Variants in ZFAND3 observed in about 807,000 individuals in gnomAD.
ZFAND3 encodes the protein zinc finger AN1-type containing 3.
A neutral mutation model predicts 29.6 loss-of-function variants in ZFAND3; 10 were observed. The ratio of observed to expected loss-of-function variants is 0.34; its 90% CI spans 0.21 to 0.57. ZFAND3 has a LOEUF of 0.57. ZFAND3 is among the 20% of genes least tolerant of loss of function. The probability of loss-of-function intolerance (pLI) is 0.86; values close to 1 mark genes in which losing one functional copy is unlikely to be tolerated. For synonymous variants in ZFAND3, 128 were observed against 112.6 expected (o/e 1.14, Z -0.87); for missense variants, 230 against 304.5 (o/e 0.76, Z 1.82).
chr6:38,036,733 T>G (rs184262738), intron 2 of ZFAND3, among the ~76,000 whole-genome samples: 75 of 152,300 alleles, frequency 4.9e-4, no homozygotes, highest in Admixed American at 1.8e-3. Context: ...TTTTAACATG[T>G]AAATACTAAA....
intron 4 of ZFAND3, among the ~76,000 whole-genome samples, chr6:38,083,366 C>T (rs1764699557): frequency 6.6e-6 from 1 of 152,096 alleles, no homozygotes; most frequent in Admixed American, 6.6e-5. Flanking sequence ...TTCCAAATGA[C>T]CAGCTTTGAG....
intron 1 of ZFAND3, among the ~76,000 whole-genome samples, chr6:37,840,369 GATT>G (rs1341563333): frequency 3.3e-5 from 5 of 152,182 alleles, no homozygotes; most frequent in Non-Finnish European, 7.3e-5. Context: ...AAAGTGCTGG[GATT>G]ACAGACATGC....
At chr6:38,019,175 G>T (rs1424507080) in intron 2 of ZFAND3, among the ~76,000 whole-genome samples, 1 of 152,126 alleles carries the variant, frequency 6.6e-6, no homozygotes, top group African/African-American at 2.4e-5. Context: ...GGTCAGGCTG[G>T]TCTTGAACTC....
At chr6:37,975,792 T>C (rs1414950253) in intron 2 of ZFAND3, among the ~76,000 whole-genome samples, 1 of 152,206 alleles carries the variant, frequency 6.6e-6, no homozygotes, top group African/African-American at 2.4e-5. Context: ...ACATAAACTT[T>C]ATAATAATTC....
At chr6:38,026,922 T>A (rs2127449773) in intron 2 of ZFAND3, among the ~76,000 whole-genome samples, 1 of 152,314 alleles carries the variant, frequency 6.6e-6, no homozygotes, top group East Asian at 1.9e-4. Context: ...CAGATGAAAT[T>A]CCAGGTCTAA....
chr6:38,051,702 C>T (rs760879356), intron 2 of ZFAND3, among the ~76,000 whole-genome samples: 6 of 152,194 alleles, frequency 3.9e-5, no homozygotes, highest in Non-Finnish European at 2.9e-5. Flanking sequence ...TGTATATATG[C>T]GCACACAGCA....
chr6:37,937,581 G>A (rs1357743078), intron 2 of ZFAND3, among the ~76,000 whole-genome samples: 1 of 149,218 alleles, frequency 6.7e-6, no homozygotes, highest in Non-Finnish European at 1.5e-5. Flanking sequence ...CTTGAACCAG[G>A]GAGTCGGAGG....
At chr6:38,114,489 T>C (rs1176826892) in intron 4 of ZFAND3, among the ~76,000 whole-genome samples, 1 of 152,258 alleles carries the variant, frequency 6.6e-6, no homozygotes, top group Non-Finnish European at 1.5e-5. Flanking sequence ...ATTGTTTTCA[T>C]CAGAGTCCTT....
intron 1 of ZFAND3, among the ~76,000 whole-genome samples, chr6:37,893,057 G>C (rs1003853314): frequency 6.6e-6 from 1 of 151,676 alleles, no homozygotes. Flanking sequence ...ACACACACAC[G>C]CATGCACACA....
chr6:37,842,357 T>G (rs1764094215), intron 1 of ZFAND3, among the ~76,000 whole-genome samples: 1 of 152,126 alleles, frequency 6.6e-6, no homozygotes, highest in South Asian at 2.1e-4. Context: ...TGGTCCTGAT[T>G]TTTTTCCCCA....
chr6:37,907,138 AC>A (rs1157174454), intron 1 of ZFAND3, among the ~76,000 whole-genome samples: 2 of 152,030 alleles, frequency 1.3e-5, no homozygotes, highest in African/African-American at 4.8e-5. Flanking sequence ...CTCTGTCTGC[AC>A]TAACAAATTA....
intron 2 of ZFAND3, among the ~76,000 whole-genome samples, chr6:37,949,759 A>G (rs993436564): frequency 2.0e-5 from 3 of 152,224 alleles, no homozygotes; most frequent in Non-Finnish European, 4.4e-5. Flanking sequence ...GAAAGGTCCC[A>G]AGCACTGGAG....
intron 1 of ZFAND3, among the ~76,000 whole-genome samples, chr6:37,826,583 G>A (rs980906982): frequency 4.6e-5 from 7 of 151,920 alleles, no homozygotes; most frequent in Non-Finnish European, 8.8e-5. Context: ...GTGAAACTCC[G>A]TCTGTACCAA....
intron 2 of ZFAND3, among the ~76,000 whole-genome samples, chr6:37,961,966 C>T (rs939231457): frequency 4.5e-4 from 69 of 152,238 alleles, no homozygotes; most frequent in South Asian, 1.7e-3. Context: ...GGGGTGTCTG[C>T]AAGTATCAGG....
chr6:37,918,228 C>G (rs1268181895), intron 1 of ZFAND3, among the ~76,000 whole-genome samples: 1 of 152,082 alleles, frequency 6.6e-6, no homozygotes, highest in East Asian at 1.9e-4. Flanking sequence ...AGGCACCCAC[C>G]ACCACGCTGG....
At chr6:37,888,121 A>G (rs1347809279) in intron 1 of ZFAND3, among the ~76,000 whole-genome samples, 1 of 152,010 alleles carries the variant, frequency 6.6e-6, no homozygotes, top group East Asian at 1.9e-4. Flanking sequence ...TCTGGTAAGT[A>G]CCTACGTCTA....
intron 4 of ZFAND3, among the ~76,000 whole-genome samples, chr6:38,099,800 T>G (rs1283642015): frequency 6.6e-6 from 1 of 152,218 alleles, no homozygotes; most frequent in Non-Finnish European, 1.5e-5. Context: ...GTGCTGCTGC[T>G]TTTTTTCTAG....
At chr6:37,974,578 T>A (rs1454006412) in intron 2 of ZFAND3, among the ~76,000 whole-genome samples, 13 of 151,918 alleles carry the variant, frequency 8.6e-5, no homozygotes, top group Non-Finnish European at 1.5e-5. Flanking sequence ...ATAATTTTTG[T>A]AGAGATAGGG....
intron 2 of ZFAND3, among the ~76,000 whole-genome samples, chr6:37,957,667 G>A (rs1762107916): frequency 6.6e-6 from 1 of 152,132 alleles, no homozygotes; most frequent in African/African-American, 2.4e-5. Flanking sequence ...TGGATGGAAT[G>A]AAAATAGAGT....
Sources: allele counts gnomAD v4.1 joint callset (sites outside exome capture counted in the v4.1 genomes callset), GRCh38; gene constraint gnomAD v4.1.1; transcripts MANE v1.5; gene names NCBI Gene and HGNC (gene_info 2026-07-23, HGNC 2026-07-21).